The following OR2L13 variants were observed in gnomAD, a reference collection of about 807,000 sequenced individuals.
The protein encoded by OR2L13 is olfactory receptor family 2 subfamily L member 13, also known as olfactory receptor 2L13.
In OR2L13, 14 loss-of-function variants were observed where a neutral mutation model predicts 15.3. The observed-to-expected ratio is 0.91, with a 90% CI of 0.60 to 1.43. The LOEUF (loss-of-function observed/expected upper bound fraction) is 1.43, where lower values mean the gene tolerates loss of function less well. OR2L13 is among the 40% of genes most tolerant of loss of function. OR2L13 has a pLI of 0.00. For missense variants in OR2L13, 367 were observed against 387.9 expected (o/e 0.95, Z 0.45); for synonymous variants, 152 against 142.9 (o/e 1.06, Z -0.45).
the OR2L13 span, among the ~76,000 whole-genome samples, chr1:247,938,021 C>T: frequency 1.3e-5 from 2 of 152,030 alleles, no homozygotes; most frequent in Admixed American, 6.5e-5. Context: ...TTAAAAAGAA[C>T]AGTGTGGCAA....
At chr1:248,016,961 A>G in the OR2L13 span, among the ~76,000 whole-genome samples, 1 of 152,298 alleles carries the variant, frequency 6.6e-6, no homozygotes, top group African/African-American at 2.4e-5. Context: ...AGAAATCCTG[A>G]CATATTGCAA....
At chr1:247,986,891 T>C in the OR2L13 span, among the ~76,000 whole-genome samples, 1 of 152,142 alleles carries the variant, frequency 6.6e-6, no homozygotes, top group South Asian at 2.1e-4. Context: ...ACTTTGGATA[T>C]TATTGACATC....
chr1:247,967,906 TTCC>T, the OR2L13 span, among the ~76,000 whole-genome samples: 9 of 150,690 alleles, frequency 6.0e-5, no homozygotes, highest in African/African-American at 2.2e-4. Flanking sequence ...CCTCGTCCTC[TTCC>T]TCTTCTTCTT....
At chr1:247,974,697 A>T in the OR2L13 span, 4 of 230,394 alleles carry the variant, frequency 1.7e-5, no homozygotes, top group Admixed American at 4.2e-5. Context: ...GAACTAATTC[A>T]CTTATCTTTC....
the OR2L13 span, among the ~76,000 whole-genome samples, chr1:247,957,698 C>T: frequency 6.6e-6 from 1 of 152,158 alleles, no homozygotes; most frequent in Non-Finnish European, 1.5e-5. Flanking sequence ...GGAATTTATC[C>T]ATTTCTTCTA....
At chr1:247,959,758 G>A in the OR2L13 span, among the ~76,000 whole-genome samples, 9 of 152,060 alleles carry the variant, frequency 5.9e-5, no homozygotes, top group Admixed American at 1.3e-4. Flanking sequence ...TTGTGCATTC[G>A]TCACGTAGTT....
the OR2L13 span, among the ~76,000 whole-genome samples, chr1:248,067,896 G>A: frequency 1.3e-4 from 20 of 152,332 alleles, no homozygotes; most frequent in South Asian, 1.9e-3. Context: ...CTGATTGCTA[G>A]CACAGCAGTC....
chr1:248,012,479 C>T, the OR2L13 span, among the ~76,000 whole-genome samples: 1 of 152,142 alleles, frequency 6.6e-6, no homozygotes, highest in African/African-American at 2.4e-5. Flanking sequence ...TCTCAAAGCA[C>T]CTCTACCTGC....
the OR2L13 span, chr1:248,083,578 T>C: frequency 8.9e-7 from 1 of 1,123,694 alleles, no homozygotes; most frequent in Non-Finnish European, 1.3e-6. Context: ...GGGAGAGAAT[T>C]ACAATGTGTT....
chr1:248,000,148 A>G, the OR2L13 span, among the ~76,000 whole-genome samples: 1 of 124,770 alleles, frequency 8.0e-6, no homozygotes, highest in East Asian at 2.5e-4. Context: ...GTGTAAATCC[A>G]GTTTTTCTGC....
chr1:248,039,130 T>C, the OR2L13 span: 1 of 1,614,006 alleles, frequency 6.2e-7, no homozygotes, highest in South Asian at 1.1e-5. Context: ...AACCCCATCA[T>C]CTACAGCCTG....
chr1:248,081,803 A>G, the OR2L13 span, among the ~76,000 whole-genome samples: 1 of 152,182 alleles, frequency 6.6e-6, no homozygotes, highest in African/African-American at 2.4e-5. Flanking sequence ...CTCAGGATTT[A>G]CATGCACTGG....
At chr1:248,072,756 A>G in the OR2L13 span, among the ~76,000 whole-genome samples, 3 of 152,098 alleles carry the variant, frequency 2.0e-5, no homozygotes, top group Non-Finnish European at 4.4e-5. Flanking sequence ...TCCAGAACCT[A>G]CAAGACCTCA....
chr1:247,944,068 T>A, the OR2L13 span, among the ~76,000 whole-genome samples: 2 of 152,170 alleles, frequency 1.3e-5, no homozygotes, highest in African/African-American at 4.8e-5. Flanking sequence ...TGCCACATTG[T>A]TTTGATTACT....
the OR2L13 span, chr1:248,046,777 A>G: frequency 1.3e-5 from 2 of 152,176 alleles, no homozygotes; most frequent in Non-Finnish European, 2.9e-5. Context: ...AAAAACCAAT[A>G]TACACATTTC....
At chr1:248,037,112 G>T in the OR2L13 span, among the ~76,000 whole-genome samples, 1 of 152,140 alleles carries the variant, frequency 6.6e-6, no homozygotes, top group Non-Finnish European at 1.5e-5. Flanking sequence ...ACATTTGATG[G>T]TGGTGGACAT....
the OR2L13 span, chr1:247,975,062 G>C: frequency 1.2e-5 from 4 of 320,368 alleles, no homozygotes; most frequent in African/African-American, 2.2e-5. Context: ...GACTTTAGCA[G>C]GTGCAGAAAT....
the OR2L13 span, among the ~76,000 whole-genome samples, chr1:248,051,763 C>CTTTTA: frequency 2.8e-4 from 40 of 140,886 alleles, 1 homozygote; most frequent in East Asian, 8.4e-3. Flanking sequence ...CAAGTGTCTG[C>CTTTTA]TTTTATTTTA....
the OR2L13 span, among the ~76,000 whole-genome samples, chr1:247,970,436 T>G: frequency 1.1e-4 from 16 of 152,148 alleles, no homozygotes; most frequent in Non-Finnish European, 2.2e-4. Flanking sequence ...TTGTAATAGT[T>G]TTTCTTGTTA....
Sources: allele counts gnomAD v4.1 joint callset (sites outside exome capture counted in the v4.1 genomes callset), GRCh38; gene constraint gnomAD v4.1.1; transcripts MANE v1.5; gene names NCBI Gene and HGNC (gene_info 2026-07-23, HGNC 2026-07-21).